Variants in SPATS2 observed in about 807,000 individuals in gnomAD.
SPATS2 encodes the protein spermatogenesis associated serine rich 2.
In SPATS2, 38 loss-of-function variants were observed where a neutral mutation model predicts 63.7. The observed-to-expected ratio is 0.60, with a 90% CI of 0.46 to 0.78. The LOEUF (loss-of-function observed/expected upper bound fraction) is 0.78. Ranked by LOEUF, SPATS2 falls within the 30% of genes least tolerant of loss-of-function variation. The probability of loss-of-function intolerance (pLI) is 0.00; values close to 1 mark genes in which losing one functional copy is unlikely to be tolerated. For synonymous variants in SPATS2, 207 were observed against 232.9 expected, an observed-to-expected ratio of 0.89 and a Z score of 1.01; for missense variants, 588 against 666.2, an observed-to-expected ratio of 0.88 and a Z score of 1.29.
chr12:49,441,011 T>C (rs1458932122), intron 2 of SPATS2, among the ~76,000 whole-genome samples: 1 of 152,176 alleles, frequency 6.6e-6, no homozygotes, highest in African/African-American at 2.4e-5. Context: ...GTTTCCTCCT[T>C]CTCAAATACA....
intron 2 of SPATS2, among the ~76,000 whole-genome samples, chr12:49,378,320 C>G (rs190040287): frequency 7.2e-6 from 1 of 138,998 alleles, no homozygotes; most frequent in Non-Finnish European, 1.5e-5. Flanking sequence ...TCTTTTGAGA[C>G]GGAGTCTCAC....
rs1021006410 is a variant in SPATS2, at chr12:49,384,448, A to G, written c.-244+13158A>G. ...ATTCCCCATACATGGTACTGTTCTTACCCCACAGACTAACAGATTGGTATT... is the reference window on the plus strand; with the variant it reads ...ATTCCCCATACATGGTACTGTTCTTGCCCCACAGACTAACAGATTGGTATT... On this transcript the variant is annotated intron_variant, in intron 2 of 13. Transcript: ENST00000552918. 3.3e-5 allele frequency among the ~76,000 whole-genome samples: 5 copies of G among 152,094 alleles called. No individual in the cohort carries two copies. The South Asian group carries it at 1.0e-3, about 32-fold the overall frequency.
intron 4 of SPATS2, among the ~76,000 whole-genome samples, chr12:49,487,693 G>C (rs1040662933): frequency 5.3e-5 from 8 of 152,086 alleles, no homozygotes; most frequent in Admixed American, 2.6e-4. Context: ...AACCTCCCAG[G>C]CTCAAGCAGT....
At chr12:49,461,572 A>G (rs905447923) in intron 3 of SPATS2, among the ~76,000 whole-genome samples, 1 of 152,234 alleles carries the variant, frequency 6.6e-6, no homozygotes, top group Non-Finnish European at 1.5e-5. Context: ...AAAAATTTCA[A>G]GGGACAAAGT....
chr12:49,495,660 C>G (rs1359827918), intron 7 of SPATS2, among the ~76,000 whole-genome samples: 1 of 152,100 alleles, frequency 6.6e-6, no homozygotes, highest in Non-Finnish European at 1.5e-5. Context: ...AATTTTTCCA[C>G]TCATGCAAAA....
intron 12 of SPATS2, 121 bp downstream of exon 12, chr12:49,522,974 C>G: frequency 1.3e-6 from 1 of 784,360 alleles, no homozygotes; most frequent in Non-Finnish European, 2.0e-6. Context: ...TATATGAAAA[C>G]TAACTCTAGG....
At chr12:49,390,179 CTG>C in intron 2 of SPATS2, 1 of 1,438,830 alleles carries the variant, frequency 7.0e-7, no homozygotes, top group Non-Finnish European at 9.5e-7. Context: ...GCTTCTGAGT[CTG>C]TGAGCTTCTT....
At chr12:49,414,940 CTT>C (rs1198243704) in intron 2 of SPATS2, among the ~76,000 whole-genome samples, 10 of 126,850 alleles carry the variant, frequency 7.9e-5, no homozygotes, top group Non-Finnish European at 1.2e-4. Context: ...TTTTTCTTTT[CTT>C]TTTTTTTTTT....
chr12:49,426,514 T>C, intron 2 of SPATS2, among the ~76,000 whole-genome samples: 1 of 152,166 alleles, frequency 6.6e-6, no homozygotes, highest in East Asian at 1.9e-4. Flanking sequence ...TTCATCCTTG[T>C]TGTATCATCA....
At chr12:49,436,372 G>A (rs1945288749) in intron 2 of SPATS2, among the ~76,000 whole-genome samples, 2 of 145,814 alleles carry the variant, frequency 1.4e-5, no homozygotes, top group Non-Finnish European at 1.5e-5. Flanking sequence ...CTCATCTCCC[G>A]GATGGGGCAG....
intron 2 of SPATS2, among the ~76,000 whole-genome samples, chr12:49,458,565 A>G (rs1055585886): frequency 2.0e-5 from 3 of 151,912 alleles, no homozygotes; most frequent in African/African-American, 7.3e-5. Context: ...AGATTACTTG[A>G]GGTCAGGAGT....
At chr12:49,479,855 A>G (rs1007438849) in intron 3 of SPATS2, among the ~76,000 whole-genome samples, 1 of 152,236 alleles carries the variant, frequency 6.6e-6, no homozygotes. Flanking sequence ...CAACTTGAGA[A>G]CTAGTATATT....
At chr12:49,408,008 G>T (rs941582984) in intron 2 of SPATS2, among the ~76,000 whole-genome samples, 67 of 152,284 alleles carry the variant, frequency 4.4e-4, no homozygotes, top group African/African-American at 1.5e-3. Context: ...CAAAGCAGAC[G>T]ACTGATTGAA....
At chr12:49,501,701 G>A (rs894167910) in intron 9 of SPATS2, among the ~76,000 whole-genome samples, 9 of 152,036 alleles carry the variant, frequency 5.9e-5, no homozygotes, top group African/African-American at 1.9e-4. Flanking sequence ...TGCAACCTCC[G>A]CCTCCCAGGT....
At chr12:49,442,291 CCTT>C (rs1945432720) in intron 2 of SPATS2, 3 of 152,580 alleles carry the variant, frequency 2.0e-5, no homozygotes, top group Non-Finnish European at 4.4e-5. Flanking sequence ...GGGATTCCCT[CCTT>C]CTAAAATGTT....
intron 2 of SPATS2, among the ~76,000 whole-genome samples, chr12:49,455,561 C>T (rs980612605): frequency 6.6e-6 from 1 of 152,104 alleles, no homozygotes; most frequent in Non-Finnish European, 1.5e-5. Flanking sequence ...GTGTGTGCTA[C>T]CATCCCTGGC....
At chr12:49,437,062 A>C (rs1277385471) in intron 2 of SPATS2, among the ~76,000 whole-genome samples, 1 of 150,148 alleles carries the variant, frequency 6.7e-6, no homozygotes, top group Non-Finnish European at 1.5e-5. Context: ...GACGCTCCTC[A>C]CTTCCCAGAC....
intron 2 of SPATS2, among the ~76,000 whole-genome samples, chr12:49,438,032 A>G (rs1945348846): frequency 1.3e-5 from 2 of 152,194 alleles, no homozygotes; most frequent in South Asian, 4.1e-4. Context: ...ATTTTTACAT[A>G]TGTTGTACCC....
intron 2 of SPATS2, chr12:49,389,446 TA>T: frequency 1.5e-6 from 1 of 658,596 alleles, no homozygotes; most frequent in Non-Finnish European, 2.8e-6. Flanking sequence ...TCCCGGTTGG[TA>T]GAGGCTTTGA....
Sources: allele counts gnomAD v4.1 joint callset (sites outside exome capture counted in the v4.1 genomes callset), GRCh38; gene constraint gnomAD v4.1.1; transcripts MANE v1.5; gene names NCBI Gene and HGNC (gene_info 2026-07-23, HGNC 2026-07-21).